The following SLC6A17 variants were observed in gnomAD, a reference collection of about 807,000 sequenced individuals.
The protein encoded by SLC6A17 is solute carrier family 6 member 17.
SLC6A17 carries 21 observed loss-of-function variants against 64.5 expected under a neutral mutation model. The observed-to-expected ratio is 0.33, with a 90% CI of 0.23 to 0.47. The LOEUF (loss-of-function observed/expected upper bound fraction) is 0.47. SLC6A17 is among the 20% of genes least tolerant of loss of function. The pLI is 1.00. For synonymous variants in SLC6A17, 372 were observed against 399.5 expected, an observed-to-expected ratio of 0.93 and a Z score of 0.82; for missense variants, 682 against 963.2, an observed-to-expected ratio of 0.71 and a Z score of 3.86.
rs979481684 is a variant in SLC6A17, at chr1:110,198,762, C to T, written c.*318C>T. On this transcript the variant is annotated 3_prime_UTR_variant, in exon 12 of 12. Coordinates refer to ENST00000331565, the MANE Select transcript of SLC6A17 (RefSeq NM_001010898.4). Reference sequence around the variant, plus strand: ...CAGTCCATGGGAGATTCCAAGTGGCCACTGCAGGAGTCACTCACCTCCCTC... The same window carrying T: ...CAGTCCATGGGAGATTCCAAGTGGCTACTGCAGGAGTCACTCACCTCCCTC... 16 of 281,336 alleles carry T rather than the reference C, an allele frequency of 5.7e-5. No individual in the cohort carries two copies. The highest frequency in any genetic ancestry group is 3.5e-4 in the African/African-American group (16 of 45,912). 17.4% of individuals were successfully genotyped at this position (281,336 alleles called of 1,614,324 possible).
chr1:110,189,970 G>A (rs1456214461), intron 6 of SLC6A17, among the ~76,000 whole-genome samples: 1 of 152,154 alleles, frequency 6.6e-6, no homozygotes, highest in Non-Finnish European at 1.5e-5. Flanking sequence ...TTGTTCGTGG[G>A]ATCATTTGAC....
At position 110,150,788 on chromosome 1, in the gene SLC6A17, C is replaced by T. The variant is rs897694050; in HGVS notation, c.-183C>T. 1.3e-5 allele frequency: 2 copies of T among 152,096 alleles called. No homozygotes were observed. Among genetic ancestry groups the T allele is most frequent in the Non-Finnish European group, 2.9e-5 (2 of 68,022 alleles). 9.4% of individuals were successfully genotyped at this position (152,096 alleles called of 1,614,324 possible). A position where few individuals can be genotyped will look rare whatever the true frequency, so the allele number is the denominator to read the frequency against. On this transcript the variant is annotated 5_prime_UTR_variant, in exon 1 of 12. Coordinates refer to ENST00000331565, the MANE Select transcript of SLC6A17 (RefSeq NM_001010898.4). ...CCAGCCCCAGCCGGGGGCCTGTGGC[C>T]CGGGGGAGGAGCTGTGCGTCCGCGA...
intron 1 of SLC6A17, among the ~76,000 whole-genome samples, chr1:110,153,972 A>G (rs1655685014): frequency 6.6e-6 from 1 of 152,198 alleles, no homozygotes; most frequent in Non-Finnish European, 1.5e-5. Flanking sequence ...GCACAGAGCC[A>G]TAGGTAGATG....
At chr1:110,157,574 A>G (rs1328677108) in intron 1 of SLC6A17, among the ~76,000 whole-genome samples, 1 of 152,046 alleles carries the variant, frequency 6.6e-6, no homozygotes, top group Non-Finnish European at 1.5e-5. Context: ...CTCCATCTCA[A>G]AAAAATAAAT....
At position 110,199,549 on chromosome 1, in the gene SLC6A17, CCTT is replaced by C. The variant is rs1254742912; in HGVS notation, c.*1106_*1108del. 1 of 161,134 alleles carries C rather than the reference CCTT, an allele frequency of 6.2e-6. No individual in the cohort carries two copies. The highest frequency in any genetic ancestry group is 1.3e-5 in the Non-Finnish European group (1 of 74,214). 10.0% of individuals were successfully genotyped at this position (161,134 alleles called of 1,614,324 possible). ...GCCCCTTTGAGCCACCACTCACTCT[CCTT>C]ATTACACAAGCACAGCCGCCCAGTG... On this transcript the variant is annotated 3_prime_UTR_variant, in exon 12 of 12. Coordinates refer to ENST00000331565, the MANE Select transcript of SLC6A17 (RefSeq NM_001010898.4).
At chr1:110,189,475 T>C (rs1011315328) in intron 6 of SLC6A17, among the ~76,000 whole-genome samples, 6 of 152,200 alleles carry the variant, frequency 3.9e-5, no homozygotes, top group Admixed American at 2.6e-4. Flanking sequence ...GCAAAGCCAC[T>C]GTCCCCTCCA....
At chr1:110,162,214 G>T (rs1215753796) in intron 1 of SLC6A17, among the ~76,000 whole-genome samples, 1 of 152,222 alleles carries the variant, frequency 6.6e-6, no homozygotes, top group African/African-American at 2.4e-5. Flanking sequence ...TTAGAATACG[G>T]CTGGGCTGGC....
chr1:110,196,349 C>T (rs1199711245), intron 10 of SLC6A17, among the ~76,000 whole-genome samples: 1 of 152,174 alleles, frequency 6.6e-6, no homozygotes, highest in Non-Finnish European at 1.5e-5. Context: ...CCACATTGTC[C>T]TTGTCCTTGG....
At chr1:110,180,894 T>C (rs1197219822) in intron 6 of SLC6A17, among the ~76,000 whole-genome samples, 5 of 152,100 alleles carry the variant, frequency 3.3e-5, no homozygotes, top group Non-Finnish European at 5.9e-5. Flanking sequence ...TCTCCATAGA[T>C]TGTGCTAAAT....
chr1:110,155,959 G>A (rs1048963890), intron 1 of SLC6A17, among the ~76,000 whole-genome samples: 3 of 152,306 alleles, frequency 2.0e-5, no homozygotes, highest in East Asian at 1.9e-4. Flanking sequence ...ACTCGATAGG[G>A]TGGTTCCAGA....
intron 2 of SLC6A17, among the ~76,000 whole-genome samples, chr1:110,167,940 C>T (rs1171383265): frequency 1.3e-5 from 2 of 152,158 alleles, no homozygotes; most frequent in Non-Finnish European, 2.9e-5. Context: ...TTAGCCTCCA[C>T]ACCTATTGCT....
At chr1:110,181,851 C>T (rs1221165449) in intron 6 of SLC6A17, among the ~76,000 whole-genome samples, 1 of 151,872 alleles carries the variant, frequency 6.6e-6, no homozygotes, top group Non-Finnish European at 1.5e-5. Flanking sequence ...CAGTGTGGCT[C>T]GAATAGGAGG....
intron 5 of SLC6A17, among the ~76,000 whole-genome samples, chr1:110,176,010 C>G (rs1259670401): frequency 6.6e-6 from 1 of 152,202 alleles, no homozygotes; most frequent in Admixed American, 6.5e-5. Flanking sequence ...GACTTGCATT[C>G]TCTTAGCCTT....
intron 1 of SLC6A17, among the ~76,000 whole-genome samples, chr1:110,161,204 C>A (rs1460112872): frequency 3.9e-5 from 6 of 152,130 alleles, no homozygotes; most frequent in African/African-American, 1.4e-4. Context: ...GATAATAGTC[C>A]GGCCTGTTTT....
rs1485433181 is a variant in SLC6A17, at chr1:110,192,567, C to A, written c.1168C>A (p.Pro390Thr). ...TNVLSRDLIP[P>T]HVNFSHLTTK... ...CGTCCTGAGCCGGGACCTCATCCCA[C>A]CCCACGTCAACTTCTCCCACCTGAC... is the stretch of plus-strand genomic sequence containing the variant. The change falls in exon 8 of 12, where the codon CCC (proline) becomes ACC (threonine). Residue 390 changes from proline to threonine, a missense_variant. By Grantham distance (38) the Pro-to-Thr change is conservative (BLOSUM62 -1). Transcript: ENST00000331565. This position sits in a 1 kb window ranked among gnomAD's most constrained non-coding sequence, Gnocchi z 4.3. 1.9e-6 allele frequency: 3 copies of A among 1,614,190 alleles called. No homozygotes were observed. Among genetic ancestry groups the A allele is most frequent in the East Asian group, 2.2e-5 (1 of 44,882 alleles).
Position 110,197,975 on chromosome 1 carries a change from G to A in SLC6A17, c.1816-101G>A, listed in dbSNP as rs1657014868. 2.7e-6 allele frequency: 4 copies of A among 1,505,928 alleles called. No homozygotes were observed. The East Asian group carries it at 9.1e-5, about 34-fold the overall frequency. The allele number at this position is 1,505,928 out of a possible 1,614,324, so 93.3% of individuals were successfully genotyped here. On this transcript the variant is annotated intron_variant, in intron 11 of 11. Transcript: ENST00000331565. ...GCCAGGATGGTGGGAGGGGAGAGGA[G>A]TGGAAGGCCATGGGTGAGGGCAGGA...
intron 1 of SLC6A17, among the ~76,000 whole-genome samples, chr1:110,156,859 G>T (rs771411500): frequency 3.3e-5 from 5 of 152,158 alleles, no homozygotes; most frequent in Admixed American, 2.6e-4. Context: ...TCAGCAGTCC[G>T]TTTGGTAACT....
chr1:110,161,564 CGTT>C (rs940024183), intron 1 of SLC6A17, among the ~76,000 whole-genome samples: 3 of 152,056 alleles, frequency 2.0e-5, no homozygotes, highest in Admixed American at 6.5e-5. Flanking sequence ...TGTCTGTGGT[CGTT>C]GTAATTAGGT....
chr1:110,177,272 ATAGACTACAT>A (rs1416892913), intron 6 of SLC6A17, among the ~76,000 whole-genome samples: 3 of 152,302 alleles, frequency 2.0e-5, no homozygotes, highest in African/African-American at 7.2e-5. Context: ...ATTAAAGATA[ATAGACTACAT>A]GAGTGGTGAC....
Sources: gnomAD v4.1 joint callset for allele counts (sites outside exome capture counted in the v4.1 genomes callset) on GRCh38, gnomAD v4.1.1 for gene constraint, Gnocchi (gnomAD v3.1) non-coding constraint, MANE v1.5 for transcripts, NCBI Gene and HGNC (gene_info 2026-07-23, HGNC 2026-07-21) for gene names.